The following HPS5 variants were observed in gnomAD, a reference collection of about 807,000 sequenced individuals.
HPS5 encodes the protein HPS5 biogenesis of lysosomal organelles complex 2 subunit 2, also known as BLOC-2 complex member HPS5.
In HPS5, 83 loss-of-function variants were observed where a neutral mutation model predicts 128.0. The ratio of observed to expected loss-of-function variants is 0.65; its 90% CI spans 0.54 to 0.78. The LOEUF is 0.78. Ranked by LOEUF, HPS5 falls within the 30% of genes least tolerant of loss-of-function variation. The pLI, the probability that HPS5 is intolerant of heterozygous loss-of-function variation, is 0.00. For synonymous variants in HPS5, 475 were observed against 470.2 expected, an observed-to-expected ratio of 1.01 and a Z score of -0.13; for missense variants, 1,281 against 1,326.2, an observed-to-expected ratio of 0.97 and a Z score of 0.53.
At chr11:18,297,936 T>C (rs1315119288) in intron 10 of HPS5, among the ~76,000 whole-genome samples, 5 of 147,906 alleles carry the variant, frequency 3.4e-5, no homozygotes, top group Admixed American at 3.4e-4. Flanking sequence ...AAAAATTAGC[T>C]GGGCATGGGG....
intron 16 of HPS5, 150 bp from the exon 17 acceptor site, chr11:18,288,163 CAAA>C: frequency 4.1e-6 from 3 of 740,540 alleles, no homozygotes; most frequent in Non-Finnish European, 6.5e-6. Context: ...ACAAGAGAAA[CAAA>C]TAAAAGTACA....
intron 13 of HPS5, 49 bp downstream of exon 13, chr11:18,295,950 C>G: frequency 1.3e-6 from 2 of 1,577,390 alleles, no homozygotes; most frequent in Non-Finnish European, 1.7e-6. Flanking sequence ...AATGTGAGAA[C>G]TGAAATAAGA....
At position 18,295,011 on chromosome 11, in the gene HPS5, A is replaced by G; in HGVS notation, c.1784+9T>C. The G allele has an allele frequency of 6.2e-7, 1 of 1,614,016 alleles. No homozygotes were observed. On this transcript the variant is annotated intron_variant, in intron 14 of 22. Coordinates refer to ENST00000349215, the MANE Select transcript of HPS5 (RefSeq NM_181507.2). ...TAGAATGTATAGAGATTTATGTGTA[A>G]GGGCTTACTCAGTGTCTTCCTCCTT...
In HPS5 at chr11:18,296,886, G is replaced by A; in HGVS notation, c.1422C>T (p.Thr474=). 6.2e-7 allele frequency: 1 copy of A among 1,612,174 alleles called. No individual in the cohort carries two copies. Among genetic ancestry groups the A allele is most frequent in the Non-Finnish European group, 8.5e-7 (1 of 1,178,338 alleles). Reference sequence around the variant, plus strand: ...CTTTAAATCTCTCATCTTCTGAGAGGGTTTGGCTGTGAAGGGAGCAAGAGT... The same window carrying A: ...CTTTAAATCTCTCATCTTCTGAGAGAGTTTGGCTGTGAAGGGAGCAAGAGT... ...DEDSCSLHSQ[T]LSEDERFKEF... is the part of the protein sequence containing the mutation. The change falls in exon 12 of 23, where the codon ACC becomes ACT. Residue 474 remains threonine, a synonymous_variant. Transcript: ENST00000349215.
intron 2 of HPS5, among the ~76,000 whole-genome samples, 173 bp from the exon 3 acceptor site, chr11:18,312,197 C>G (rs956044393): frequency 6.6e-6 from 1 of 152,196 alleles, no homozygotes; most frequent in African/African-American, 2.4e-5. Context: ...GTAAAAAATA[C>G]TGAAGAAAGA....
At position 18,310,772 on chromosome 11, in the gene HPS5, G is replaced by T; in HGVS notation, c.446C>A (p.Ala149Asp). The T allele has an allele frequency of 6.2e-7, 1 of 1,614,008 alleles. No individual in the cohort carries two copies. Among genetic ancestry groups the T allele is most frequent in the Non-Finnish European group, 8.5e-7 (1 of 1,179,906 alleles). ...FVGDHAGKVS[A>D]IKLNTSKQAK... ...TTGTTTAGAAGTATTGAGTTTGATA[G>T]CAGAAACCTTCCCAGCATGATCACC... Residue 149 changes from alanine (A) to aspartate (D), a missense_variant, in exon 5 of 23, where the codon GCT becomes GAT. Coordinates refer to ENST00000349215, the MANE Select transcript of HPS5 (RefSeq NM_181507.2).
In HPS5 at chr11:18,296,810, G is replaced by A; in HGVS notation, c.1498C>T (p.His500Tyr). 1 of 1,614,022 alleles carries A rather than the reference G, an allele frequency of 6.2e-7. No individual in the cohort carries two copies. Among genetic ancestry groups the A allele is most frequent in the African/African-American group, 1.3e-5 (1 of 75,030 alleles). Residue 500 changes from histidine (H) to tyrosine (Y), a missense_variant, in exon 12 of 23, where the codon CAC becomes TAC. Physicochemically the swap from His to Tyr is moderately conservative, Grantham distance 83. Transcript: ENST00000349215. Reference protein sequence around the residue: ...EDLPDQCCGSHGNEDNVSHAP... With the variant: ...EDLPDQCCGSYGNEDNVSHAP... ...ACACATTCATCACCTTCATTTCCGT[G>A]TGAGCCACAACACTGATCTGGCAGG...
intron 2 of HPS5, among the ~76,000 whole-genome samples, chr11:18,315,719 G>GA (rs1213087686): frequency 1.3e-5 from 2 of 151,876 alleles, no homozygotes; most frequent in Admixed American, 6.6e-5. Context: ...AAATAACCAG[G>GA]AAAAATCAAC....
Position 18,279,914 on chromosome 11 carries a change from A to AT in HPS5, c.3357dup (p.Cys1120MetfsTer31). 1.2e-6 allele frequency: 2 copies of AT among 1,614,192 alleles called. No individual in the cohort carries two copies. The highest frequency in any genetic ancestry group is 1.7e-6 in the Non-Finnish European group (2 of 1,180,024). On this transcript the variant is annotated frameshift_variant, in exon 23 of 23. Coordinates refer to ENST00000349215, the MANE Select transcript of HPS5 (RefSeq NM_181507.2). LOFTEE classifies it high-confidence loss of function. The stretch of plus-strand genomic sequence containing the variant: ...TGCTGGGACCAGAGAAACCGATCGC[A>AT]TTTTTCAAGCATGCTTTGTATCAAG...
chr11:18,317,021 C>T (rs928549518), intron 2 of HPS5, among the ~76,000 whole-genome samples: 1 of 152,000 alleles, frequency 6.6e-6, no homozygotes, highest in African/African-American at 2.4e-5. Flanking sequence ...GGTGAAACCC[C>T]GTCTCTACTA....
chr11:18,311,499 A>ATTT, intron 3 of HPS5, 48 bp from the exon 4 acceptor site: 2 of 812,616 alleles, frequency 2.5e-6, no homozygotes, highest in Non-Finnish European at 3.6e-6. Context: ...GTTTTACATT[A>ATTT]TTATTATTAT....
rs191599872 is a variant in HPS5, at chr11:18,305,721, T to C, written c.825-228A>G. ...AAAATCCAACTTCACTCTGAAAAGA[T>C]AGAATAAAATCTTTTTTTTTTTTTT... On this transcript the variant is annotated intron_variant, in intron 7 of 22. Transcript: ENST00000349215. Among the ~76,000 whole-genome samples, 20 of 148,484 alleles carry C rather than the reference T, an allele frequency of 1.3e-4. No homozygotes were observed. The East Asian group carries it at 3.0e-3, about 23-fold the overall frequency.
rs773105246 is a variant in HPS5 at position 18,295,980 on chromosome 11, A to C, written c.1634+19T>G. Reference sequence around the variant, plus strand: ...ATAAGATCAGTAATGGAATTAAATGACAAGACTAATTGGTTTACCTTTCTT... The same window carrying C: ...ATAAGATCAGTAATGGAATTAAATGCCAAGACTAATTGGTTTACCTTTCTT... On this transcript the variant is annotated intron_variant, in intron 13 of 22. Transcript: ENST00000349215. The C allele has an allele frequency of 1.2e-6, 2 of 1,609,672 alleles. No individual in the cohort carries two copies. The highest frequency in any genetic ancestry group is 3.3e-5 in the Admixed American group (2 of 60,024).
At chr11:18,285,289 G>A in intron 20 of HPS5, 57 bp downstream of exon 20, 1 of 1,061,880 alleles carries the variant, frequency 9.4e-7, no homozygotes, top group Non-Finnish European at 1.5e-6. Context: ...TAACTATAAA[G>A]TTGTTAACTG....
chr11:18,320,093 T>C (rs556607970), intron 1 of HPS5, among the ~76,000 whole-genome samples: 1 of 152,206 alleles, frequency 6.6e-6, no homozygotes, highest in Admixed American at 6.5e-5. Flanking sequence ...ACCTAGTAAG[T>C]TCTACTGAAA....
intron 22 of HPS5, chr11:18,280,603 G>A (rs750936947): frequency 2.1e-5 from 15 of 698,092 alleles, no homozygotes; most frequent in Middle Eastern, 2.4e-4. Context: ...TCATAGCAGC[G>A]TTATTCACAA....
chr11:18,298,881 G>T lies in HPS5; in HGVS notation c.1075C>A (p.Arg359Ser). ...CTTCTTAGCAGGCGTTCCACACAGC[G>T]CTCCACAGATATCAGGGAGAGATGT... ...VSHLSLISVE[R>S]CVERLLRRGL... The change falls in exon 10 of 23, where the codon CGC becomes AGC. Residue 359 changes from arginine to serine, a missense_variant. Physicochemically the swap from Arg to Ser is moderately radical, Grantham distance 110 (BLOSUM62 -1). Coordinates refer to ENST00000349215, the MANE Select transcript of HPS5 (RefSeq NM_181507.2). 6.2e-7 allele frequency: 1 copy of T among 1,614,010 alleles called. No homozygotes were observed. The highest frequency in any genetic ancestry group is 1.1e-5 in the South Asian group (1 of 91,082).
Position 18,287,670 on chromosome 11 carries a change from T to C in HPS5, c.2582A>G (p.Glu861Gly). The C allele has an allele frequency of 6.2e-7, 1 of 1,614,146 alleles. No individual in the cohort carries two copies. Among genetic ancestry groups the C allele is most frequent in the Non-Finnish European group, 8.5e-7 (1 of 1,180,004 alleles). Reference protein sequence around the residue: ...YATRLYEKFGESALRSLIKFF... With the variant: ...YATRLYEKFGGSALRSLIKFF... ...CTTGATTAAGGATCGAAGAGCAGACTCCCCAAACTTTTCATACAACCTGCA... is the reference window on the plus strand; with the variant it reads ...CTTGATTAAGGATCGAAGAGCAGACCCCCCAAACTTTTCATACAACCTGCA... Residue 861 changes from glutamate to glycine, a missense_variant, in exon 18 of 23, where the codon GAG (glutamate) becomes GGG (glycine). Glu to Gly is a moderately conservative substitution (Grantham distance 98). Coordinates refer to ENST00000349215, the MANE Select transcript of HPS5 (RefSeq NM_181507.2).
At chr11:18,292,108 G>T in intron 15 of HPS5, 89 bp from the exon 16 acceptor site, 1 of 939,866 alleles carries the variant, frequency 1.1e-6, no homozygotes, top group Non-Finnish European at 1.7e-6. Context: ...CCTAACCAAT[G>T]TAACATACTC....
Sources: gnomAD v4.1 joint callset for allele counts (sites outside exome capture counted in the v4.1 genomes callset) on GRCh38, gnomAD v4.1.1 for gene constraint, MANE v1.5 for transcripts, NCBI Gene and HGNC (gene_info 2026-07-23, HGNC 2026-07-21) for gene names.